Variants in PTPRJ observed in about 807,000 individuals in gnomAD.
PTPRJ encodes protein tyrosine phosphatase receptor type J.
A neutral mutation model predicts 141.3 loss-of-function variants in PTPRJ; 129 were observed. The observed-to-expected ratio is 0.91, with a 90% CI of 0.79 to 1.06. The LOEUF (loss-of-function observed/expected upper bound fraction) is 1.06, where lower values mean the gene tolerates loss of function less well. Ranked by LOEUF, PTPRJ falls within the 50% of genes least tolerant of loss-of-function variation. PTPRJ has a pLI of 0.00. For missense variants in PTPRJ, 1,601 were observed against 1,679.7 expected, an observed-to-expected ratio of 0.95 and a Z score of 0.82; for synonymous variants, 610 against 640.5, an observed-to-expected ratio of 0.95 and a Z score of 0.72.
At chr11:48,014,062 G>A (rs989194996) in intron 1 of PTPRJ, among the ~76,000 whole-genome samples, 10 of 152,194 alleles carry the variant, frequency 6.6e-5, no homozygotes, top group Admixed American at 1.3e-4. Flanking sequence ...GTGTTCCAGA[G>A]TTAGTAGGTG....
intron 1 of PTPRJ, among the ~76,000 whole-genome samples, chr11:48,023,830 G>A (rs1853729552): frequency 6.7e-6 from 1 of 149,036 alleles, no homozygotes; most frequent in African/African-American, 2.5e-5. Context: ...AAATAAATTG[G>A]AATTTAATAT....
chr11:47,996,416 G>A (rs1223376118), intron 1 of PTPRJ, among the ~76,000 whole-genome samples: 1 of 151,706 alleles, frequency 6.6e-6, no homozygotes, highest in African/African-American at 2.4e-5. Context: ...CCAGTTCCAT[G>A]CTCTTCCCTT....
chr11:48,047,625 C>G (rs532053180), intron 1 of PTPRJ, among the ~76,000 whole-genome samples: 63 of 152,186 alleles, frequency 4.1e-4, no homozygotes, highest in Non-Finnish European at 1.5e-5. Context: ...GCCTCAGCCC[C>G]CCAAGTAGCT....
intron 1 of PTPRJ, among the ~76,000 whole-genome samples, chr11:48,108,791 T>A (rs994553133): frequency 1.3e-5 from 2 of 149,972 alleles, no homozygotes; most frequent in Non-Finnish European, 3.0e-5. Context: ...CGCGAAGGAG[T>A]TGATGGTAGG....
chr11:48,079,481 G>C (rs563642187), intron 1 of PTPRJ, among the ~76,000 whole-genome samples: 1 of 152,196 alleles, frequency 6.6e-6, no homozygotes, highest in Admixed American at 6.5e-5. Flanking sequence ...TGCAGACACT[G>C]GATGGTAGCG....
chr11:48,154,666 T>A (rs1373553024), intron 19 of PTPRJ, among the ~76,000 whole-genome samples: 2 of 152,192 alleles, frequency 1.3e-5, no homozygotes, highest in Non-Finnish European at 2.9e-5. Context: ...CGAAGCCGTG[T>A]TTTTCATTCC....
At chr11:48,166,737 C>T (rs532684511) in intron 24 of PTPRJ, among the ~76,000 whole-genome samples, 57 of 152,282 alleles carry the variant, frequency 3.7e-4, no homozygotes, top group African/African-American at 1.3e-3. Context: ...TCCACAGATT[C>T]TGATATACCT....
At chr11:47,994,987 A>G (rs1191233559) in intron 1 of PTPRJ, among the ~76,000 whole-genome samples, 1 of 152,188 alleles carries the variant, frequency 6.6e-6, no homozygotes, top group Non-Finnish European at 1.5e-5. Flanking sequence ...AAGGACTGAC[A>G]ATATATTGCA....
Position 48,132,221 on chromosome 11 carries a change from G to A in PTPRJ, c.1615+1505G>A, listed in dbSNP as rs145042565. 2.2e-4 allele frequency: 219 copies of A among 985,410 alleles called. 1 individual carries two copies. The African/African-American group carries it at 3.0e-3, about 14-fold the overall frequency. 61.0% of individuals were successfully genotyped at this position (985,410 alleles called of 1,614,324 possible). On this transcript the variant is annotated intron_variant, in intron 8 of 24. Coordinates refer to ENST00000418331, the MANE Select transcript of PTPRJ (RefSeq NM_002843.4). ...GTGATGAGATACTTTGTTAGTTCTA[G>A]AAGGCTAATTGAAATTGATAAAATC...
chr11:48,143,170 A>G (rs759089475), intron 12 of PTPRJ, 120 bp downstream of exon 12: 6 of 1,269,618 alleles, frequency 4.7e-6, no homozygotes, highest in Admixed American at 2.4e-5. Context: ...ACTGCAGCCT[A>G]TGCTGTGTAC....
At chr11:48,145,816 C>T (rs1857337651) in intron 14 of PTPRJ, among the ~76,000 whole-genome samples, 1 of 151,944 alleles carries the variant, frequency 6.6e-6, no homozygotes, top group South Asian at 2.1e-4. Context: ...ACCTCGGCTT[C>T]CCAAAGTGCT....
chr11:48,127,071 G>A (rs2134347063), intron 6 of PTPRJ, among the ~76,000 whole-genome samples: 2 of 152,212 alleles, frequency 1.3e-5, no homozygotes, highest in South Asian at 2.1e-4. Context: ...GGAAGGCACT[G>A]ACTCCTTTCT....
rs771974128 is a variant in PTPRJ, at chr11:48,137,008, A to G, written c.1879A>G (p.Ser627Gly). ...PNSTAQYTRP[S>G]NVSNIDVSTN... ...GCCTTTTTTTTAAAATCAAGGGCCC[A>G]GCAATGTGTCCAACATTGATGTAAG... Residue 627 changes from serine to glycine, a missense_variant, in exon 10 of 25, where the codon AGC becomes GGC. By Grantham distance (56) the Ser-to-Gly change is moderately conservative. Transcript: ENST00000418331. 1.3e-6 allele frequency: 2 copies of G among 1,599,032 alleles called. No homozygotes were observed. Among genetic ancestry groups the G allele is most frequent in the Non-Finnish European group, 1.7e-6 (2 of 1,166,664 alleles).
chr11:48,042,210 G>GGTCT (rs1209324208), intron 1 of PTPRJ, among the ~76,000 whole-genome samples: 9 of 152,086 alleles, frequency 5.9e-5, no homozygotes, highest in African/African-American at 2.2e-4. Context: ...TGTTATAAGG[G>GGTCT]GTCTCTTCAG....
chr11:48,054,165 C>T (rs1854691151), intron 1 of PTPRJ, among the ~76,000 whole-genome samples: 1 of 151,990 alleles, frequency 6.6e-6, no homozygotes, highest in Admixed American at 6.6e-5. Flanking sequence ...AACACCTGAC[C>T]TCAGGTGATT....
intron 1 of PTPRJ, among the ~76,000 whole-genome samples, chr11:48,069,087 C>A (rs1356878102): frequency 1.3e-5 from 2 of 151,466 alleles, no homozygotes; most frequent in Non-Finnish European, 2.9e-5. Flanking sequence ...AAGATGTGTA[C>A]CCATTTTCAA....
intron 2 of PTPRJ, 24 bp from the exon 3 acceptor site, chr11:48,112,723 T>C: frequency 1.3e-6 from 2 of 1,531,520 alleles, no homozygotes; most frequent in Non-Finnish European, 1.8e-6. Flanking sequence ...ATTTTTAATC[T>C]AATTGTTTAC....
chr11:48,008,088 G>A (rs1854673576), intron 1 of PTPRJ, among the ~76,000 whole-genome samples: 1 of 152,042 alleles, frequency 6.6e-6, no homozygotes, highest in East Asian at 1.9e-4. Flanking sequence ...TTAGGGTTGA[G>A]TTCTGACACG....
chr11:48,003,282 C>G (rs1413449070), intron 1 of PTPRJ, among the ~76,000 whole-genome samples: 2 of 152,126 alleles, frequency 1.3e-5, no homozygotes, highest in East Asian at 1.9e-4. Flanking sequence ...GGACCAATAT[C>G]TTCATGAATA....
Sources: allele counts gnomAD v4.1 joint callset (sites outside exome capture counted in the v4.1 genomes callset), GRCh38; gene constraint gnomAD v4.1.1; transcripts MANE v1.5; gene names NCBI Gene and HGNC (gene_info 2026-07-23, HGNC 2026-07-21).